RNF220: variants seen among roughly 807,000 people sequenced by gnomAD.
RNF220 encodes ring finger protein 220.
In RNF220, 7 loss-of-function variants were observed where a neutral mutation model predicts 67.1. The ratio of observed to expected loss-of-function variants is 0.10; its 90% CI spans 0.06 to 0.20. RNF220 has a LOEUF of 0.20. Ranked by LOEUF, RNF220 falls within the 10% of genes least tolerant of loss-of-function variation. The pLI, the probability that RNF220 is intolerant of heterozygous loss-of-function variation, is 1.00. For synonymous variants in RNF220, 270 were observed against 283.2 expected (o/e 0.95, Z 0.47); for missense variants, 565 against 740.3 (o/e 0.76, Z 2.75).
intron 2 of RNF220, among the ~76,000 whole-genome samples, chr1:44,473,056 G>T (rs1314584842): frequency 6.6e-6 from 1 of 152,272 alleles, no homozygotes; most frequent in African/African-American, 2.4e-5. Flanking sequence ...GTTTCCCCAC[G>T]TCCTCTGCTT....
intron 3 of RNF220, among the ~76,000 whole-genome samples, chr1:44,616,636 G>A (rs1007983174): frequency 2.0e-5 from 3 of 151,764 alleles, no homozygotes; most frequent in Admixed American, 6.5e-5. Flanking sequence ...GCCAGTGGCA[G>A]AAAGTGGGAA....
chr1:44,455,951 G>A (rs1307552852), intron 2 of RNF220, among the ~76,000 whole-genome samples: 2 of 152,180 alleles, frequency 1.3e-5, no homozygotes, highest in African/African-American at 2.4e-5. Flanking sequence ...CTGAGGGAGT[G>A]TAAGCTTTGG....
intron 2 of RNF220, among the ~76,000 whole-genome samples, chr1:44,566,945 G>T (rs1222837140): frequency 6.6e-6 from 1 of 152,220 alleles, no homozygotes; most frequent in African/African-American, 2.4e-5. Flanking sequence ...CGTTATACCG[G>T]CCCAGGCCCT....
chr1:44,650,845 C>G lies in RNF220; in HGVS notation c.*70C>G. 1.4e-6 allele frequency: 2 copies of G among 1,424,484 alleles called. No individual in the cohort carries two copies. Among genetic ancestry groups the G allele is most frequent in the Non-Finnish European group, 2.0e-6 (2 of 1,015,124 alleles). 88.2% of individuals were successfully genotyped at this position (1,424,484 alleles called of 1,614,324 possible). On this transcript the variant is annotated 3_prime_UTR_variant, in exon 15 of 15. Coordinates refer to ENST00000361799, the MANE Select transcript of RNF220 (RefSeq NM_018150.4). The surrounding 1 kb of genome is among the most constrained non-coding windows in gnomAD (Gnocchi z 4.3). The stretch of plus-strand genomic sequence containing the variant: ...CCCCAGCCTCTGTGACAGTGACCGT[C>G]TCCCTTTGTACATACTTGCACACAG...
At chr1:44,449,912 A>T (rs1400373818) in intron 2 of RNF220, among the ~76,000 whole-genome samples, 1 of 152,208 alleles carries the variant, frequency 6.6e-6, no homozygotes, top group Non-Finnish European at 1.5e-5. Context: ...AAGTATGTTT[A>T]AAAAAGAAAA....
intron 2 of RNF220, among the ~76,000 whole-genome samples, chr1:44,509,829 G>A (rs185348733): frequency 1.5e-5 from 2 of 131,482 alleles, no homozygotes; most frequent in East Asian, 5.0e-4. Flanking sequence ...AGAGGCTGCA[G>A]TGAGCCAAGA....
intron 2 of RNF220, among the ~76,000 whole-genome samples, chr1:44,550,851 G>A (rs773086652): frequency 2.9e-4 from 44 of 152,140 alleles, no homozygotes; most frequent in Admixed American, 1.3e-4. Flanking sequence ...CTTCTCCATG[G>A]CCAGGTTGGA....
At chr1:44,599,836 A>T (rs761117910) in intron 2 of RNF220, among the ~76,000 whole-genome samples, 2 of 152,192 alleles carry the variant, frequency 1.3e-5, no homozygotes, top group Non-Finnish European at 2.9e-5. Flanking sequence ...AGAGTTCAGA[A>T]TGTATGCTGT....
chr1:44,405,997 C>G lies in RNF220; in HGVS notation c.-118+467C>G, dbSNP rs570784563. 3.9e-5 allele frequency among the ~76,000 whole-genome samples: 6 copies of G among 152,318 alleles called. No homozygotes were observed. In the East Asian group the frequency reaches 1.2e-3, roughly 29 times the overall value. ...GGTGCACCCCCCGGTGATTTCCGGG[C>G]TCCCCTATGTACCCCGCGTTGATTT... On this transcript the variant is annotated intron_variant, in intron 1 of 14. Transcript: ENST00000361799.
At chr1:44,544,331 C>G (rs1393089384) in intron 2 of RNF220, among the ~76,000 whole-genome samples, 4 of 152,208 alleles carry the variant, frequency 2.6e-5, no homozygotes, top group African/African-American at 7.2e-5. Flanking sequence ...GTCAGACAGA[C>G]CTGGGATCAC....
At chr1:44,536,437 T>C (rs969840651) in intron 2 of RNF220, among the ~76,000 whole-genome samples, 2 of 152,180 alleles carry the variant, frequency 1.3e-5, no homozygotes, top group Non-Finnish European at 2.9e-5. Context: ...TTACAAGACC[T>C]CATTAAACAG....
chr1:44,441,037 A>G (rs1017403932), intron 2 of RNF220, among the ~76,000 whole-genome samples: 8 of 152,192 alleles, frequency 5.3e-5, no homozygotes, highest in African/African-American at 1.9e-4. Flanking sequence ...ACCCCTGGAC[A>G]TCAGAATATA....
chr1:44,621,118 G>T lies in RNF220; in HGVS notation c.759-1624G>T, dbSNP rs1006224451. 6.6e-6 allele frequency among the ~76,000 whole-genome samples: 1 copy of T among 152,140 alleles called. No individual in the cohort carries two copies. Among genetic ancestry groups the T allele is most frequent in the East Asian group, 1.9e-4 (1 of 5,190 alleles). On this transcript the variant is annotated intron_variant, in intron 3 of 14. Coordinates refer to ENST00000361799, the MANE Select transcript of RNF220 (RefSeq NM_018150.4). The surrounding 1 kb of genome is among the most constrained non-coding windows in gnomAD (Gnocchi z 4.8). ...TTTAGTAGAGACGGGGTTTCACCAT[G>T]TTGGCCAGGCTGGTCTCGAACTCCT...
intron 2 of RNF220, among the ~76,000 whole-genome samples, chr1:44,505,817 T>G (rs574944223): frequency 6.6e-6 from 1 of 152,256 alleles, no homozygotes; most frequent in East Asian, 1.9e-4. Flanking sequence ...CAATGCGACA[T>G]GGCGCACTGC....
chr1:44,496,066 C>A (rs1056014837), intron 2 of RNF220, among the ~76,000 whole-genome samples: 1 of 152,144 alleles, frequency 6.6e-6, no homozygotes, highest in Non-Finnish European at 1.5e-5. Context: ...TGAAGAGGGG[C>A]AGAACATGCT....
chr1:44,503,584 G>A (rs1265266587), intron 2 of RNF220, among the ~76,000 whole-genome samples: 1 of 152,084 alleles, frequency 6.6e-6, no homozygotes, highest in African/African-American at 2.4e-5. Flanking sequence ...TATAATCTCA[G>A]ACACCCCCTG....
At chr1:44,509,607 G>A (rs1459301744) in intron 2 of RNF220, among the ~76,000 whole-genome samples, 2 of 151,076 alleles carry the variant, frequency 1.3e-5, no homozygotes, top group Admixed American at 1.3e-4. Context: ...ATACGCATAG[G>A]CTGGGTGCAG....
intron 2 of RNF220, among the ~76,000 whole-genome samples, chr1:44,597,196 A>G (rs1666559302): frequency 6.6e-6 from 1 of 152,154 alleles, no homozygotes; most frequent in Non-Finnish European, 1.5e-5. Flanking sequence ...GGCAAGTATA[A>G]TTATTATCTT....
chr1:44,459,829 A>G (rs1342713672), intron 2 of RNF220, among the ~76,000 whole-genome samples: 1 of 152,238 alleles, frequency 6.6e-6, no homozygotes, highest in African/African-American at 2.4e-5. Context: ...AGGTGAGGTC[A>G]GATTAGACAA....
Sources: allele counts gnomAD v4.1 joint callset (sites outside exome capture counted in the v4.1 genomes callset), GRCh38; gene constraint gnomAD v4.1.1; non-coding constraint Gnocchi (gnomAD v3.1); transcripts MANE v1.5; gene names NCBI Gene and HGNC (gene_info 2026-07-23, HGNC 2026-07-21).